Variants in CNTN5 observed in about 807,000 individuals in gnomAD.
The protein encoded by CNTN5 is contactin-5.
A neutral mutation model predicts 129.1 loss-of-function variants in CNTN5; 77 were observed. That is an observed-to-expected ratio of 0.60 (90% CI 0.50 to 0.72). CNTN5 has a LOEUF of 0.72. Ranked by LOEUF, CNTN5 falls within the 30% of genes least tolerant of loss-of-function variation. CNTN5 has a pLI of 0.00. For missense variants in CNTN5, 1,478 were observed against 1,328.8 expected (o/e 1.11, Z -1.75); for synonymous variants, 509 against 465.6 (o/e 1.09, Z -1.20).
At chr11:99,193,845 CA>C (rs1480964082) in intron 1 of CNTN5, among the ~76,000 whole-genome samples, 7 of 152,066 alleles carry the variant, frequency 4.6e-5, no homozygotes, top group Non-Finnish European at 1.0e-4. Flanking sequence ...GCTCATCATT[CA>C]AAAATTTTTG....
At chr11:99,817,226 G>C (rs188368750) in intron 3 of CNTN5, among the ~76,000 whole-genome samples, 357 of 152,272 alleles carry the variant, frequency 2.3e-3, no homozygotes, top group African/African-American at 8.2e-3. Flanking sequence ...ATGAATGCTT[G>C]AATGAATGAA....
At chr11:100,193,726 A>T in intron 15 of CNTN5, 63 bp downstream of exon 15, 1 of 1,459,544 alleles carries the variant, frequency 6.9e-7, no homozygotes, top group Non-Finnish European at 9.4e-7. Context: ...ATCAAATGTA[A>T]GACCTTGCTT....
chr11:99,438,508 A>G (rs1943688151), intron 2 of CNTN5, among the ~76,000 whole-genome samples: 1 of 152,022 alleles, frequency 6.6e-6, no homozygotes, highest in Admixed American at 6.6e-5. Context: ...TTTCCTTCAT[A>G]TTCTTATTTT....
intron 3 of CNTN5, among the ~76,000 whole-genome samples, chr11:99,607,433 A>G (rs1450195029): frequency 7.4e-6 from 1 of 136,044 alleles, no homozygotes; most frequent in Admixed American, 7.6e-5. Context: ...GGCAATCATT[A>G]AAAAGTCAGG....
chr11:100,054,241 G>A (rs1279556712), intron 9 of CNTN5, among the ~76,000 whole-genome samples: 1 of 151,668 alleles, frequency 6.6e-6, no homozygotes, highest in African/African-American at 2.4e-5. Flanking sequence ...TCAAAGCATG[G>A]GTTAAGAGAC....
At chr11:99,251,058 C>T (rs571711713) in intron 1 of CNTN5, among the ~76,000 whole-genome samples, 13 of 151,888 alleles carry the variant, frequency 8.6e-5, no homozygotes, top group African/African-American at 2.7e-4. Flanking sequence ...ATAACTTTGC[C>T]GATGCCACAA....
chr11:100,143,429 A>C (rs1453538159), intron 13 of CNTN5, among the ~76,000 whole-genome samples: 1 of 152,116 alleles, frequency 6.6e-6, no homozygotes, highest in Non-Finnish European at 1.5e-5. Flanking sequence ...ACATGAACTA[A>C]ACTCAGAAAA....
At chr11:99,418,666 T>A (rs1591651162) in intron 2 of CNTN5, among the ~76,000 whole-genome samples, 1 of 152,170 alleles carries the variant, frequency 6.6e-6, no homozygotes, top group South Asian at 2.1e-4. Flanking sequence ...TTAAAAAGAC[T>A]TGTTTGGGGT....
chr11:99,973,853 T>A lies in CNTN5; in HGVS notation c.877+16844T>A, dbSNP rs140592357. Among the ~76,000 whole-genome samples the A allele has an allele frequency of 1.3e-3, 192 of 152,308 alleles. 3 individuals are homozygous for A. Among genetic ancestry groups the A allele is most frequent in the African/African-American group, 4.4e-3 (182 of 41,586 alleles). On this transcript the variant is annotated intron_variant, in intron 8 of 24. Coordinates refer to ENST00000524871, the MANE Select transcript of CNTN5 (RefSeq NM_014361.4). ...TCTTCCAGAGTTCACTCCAATGAGATATTTTGCACATTTACCATAAAATAA... is the reference window on the plus strand; with the variant it reads ...TCTTCCAGAGTTCACTCCAATGAGAAATTTTGCACATTTACCATAAAATAA...
At chr11:99,630,512 C>T (rs1951304617) in intron 3 of CNTN5, among the ~76,000 whole-genome samples, 1 of 151,818 alleles carries the variant, frequency 6.6e-6, no homozygotes, top group Non-Finnish European at 1.5e-5. Context: ...ACCCCCATAG[C>T]AACTATCATG....
intron 1 of CNTN5, among the ~76,000 whole-genome samples, chr11:99,323,784 C>T (rs564627853): frequency 1.4e-4 from 21 of 152,158 alleles, no homozygotes; most frequent in East Asian, 1.2e-3. Context: ...AACAAAATTC[C>T]TGCCTTTTTT....
intron 13 of CNTN5, among the ~76,000 whole-genome samples, chr11:100,084,349 C>A (rs1393840664): frequency 6.6e-6 from 1 of 152,100 alleles, no homozygotes; most frequent in African/African-American, 2.4e-5. Flanking sequence ...CCCCAAGTGA[C>A]TCTTCAGTGA....
chr11:99,850,548 G>A (rs955057400), intron 6 of CNTN5, among the ~76,000 whole-genome samples: 5 of 152,020 alleles, frequency 3.3e-5, no homozygotes, highest in African/African-American at 7.2e-5. Flanking sequence ...ATATGAAATA[G>A]CAAATGTATG....
intron 10 of CNTN5, among the ~76,000 whole-genome samples, chr11:100,067,840 AAT>A (rs1943755253): frequency 6.6e-6 from 1 of 152,046 alleles, no homozygotes; most frequent in African/African-American, 2.4e-5. Context: ...CCAAAAAAAA[AAT>A]CTAAAGAAAG....
At chr11:100,229,805 C>A (rs1230263077) in intron 16 of CNTN5, among the ~76,000 whole-genome samples, 1 of 152,160 alleles carries the variant, frequency 6.6e-6, no homozygotes, top group East Asian at 1.9e-4. Flanking sequence ...TGTTTCCAAG[C>A]TTTAAAATGC....
intron 3 of CNTN5, among the ~76,000 whole-genome samples, chr11:99,599,575 A>T (rs1188341899): frequency 6.6e-6 from 1 of 152,158 alleles, no homozygotes; most frequent in East Asian, 1.9e-4. Flanking sequence ...ATTTTAAAGT[A>T]AAGTGAGTTA....
At chr11:99,995,326 TAA>T (rs5794033) in intron 8 of CNTN5, among the ~76,000 whole-genome samples, 1 of 147,802 alleles carries the variant, frequency 6.8e-6, no homozygotes, top group African/African-American at 2.5e-5. Flanking sequence ...GCCAAAAAAT[TAA>T]AAAAAAAAAC....
intron 13 of CNTN5, among the ~76,000 whole-genome samples, chr11:100,094,210 T>C (rs1272850138): frequency 1.3e-5 from 2 of 152,120 alleles, no homozygotes; most frequent in Non-Finnish European, 2.9e-5. Flanking sequence ...TTATCAGCTA[T>C]GGTCTATGGA....
intron 2 of CNTN5, among the ~76,000 whole-genome samples, chr11:99,463,939 C>A (rs1294636379): frequency 6.6e-6 from 1 of 152,226 alleles, no homozygotes; most frequent in African/African-American, 2.4e-5. Context: ...TAAAAATGAT[C>A]CTTCTCACTA....
Sources: gnomAD v4.1 joint callset for allele counts (sites outside exome capture counted in the v4.1 genomes callset) on GRCh38, gnomAD v4.1.1 for gene constraint, MANE v1.5 for transcripts, NCBI Gene and HGNC (gene_info 2026-07-23, HGNC 2026-07-21) for gene names.